The following LUZP2 variants were observed in gnomAD, a reference collection of about 807,000 sequenced individuals.
LUZP2 encodes the protein leucine zipper protein 2.
LUZP2 carries 52 observed loss-of-function variants against 51.6 expected under a neutral mutation model. The observed-to-expected ratio is 1.01, with a 90% CI of 0.81 to 1.27. The LOEUF is 1.27. Ranked by LOEUF, LUZP2 falls within the 50% of genes most tolerant of loss-of-function variation. LUZP2 has a pLI of 0.00. For missense variants in LUZP2, 436 were observed against 395.4 expected (o/e 1.10, Z -0.87); for synonymous variants, 154 against 137.3 (o/e 1.12, Z -0.85).
chr11:24,946,396 A>T (rs1242606973), intron 7 of LUZP2, among the ~76,000 whole-genome samples: 1 of 151,822 alleles, frequency 6.6e-6, no homozygotes, highest in African/African-American at 2.4e-5. Context: ...GATATGTCTC[A>T]TGACTATTTT....
chr11:24,589,494 T>C (rs1003302955), intron 1 of LUZP2, among the ~76,000 whole-genome samples: 1 of 152,216 alleles, frequency 6.6e-6, no homozygotes, highest in Non-Finnish European at 1.5e-5. Flanking sequence ...GTGCAAATTA[T>C]TTCTGATATC....
intron 7 of LUZP2, among the ~76,000 whole-genome samples, chr11:24,916,137 T>C (rs1853782489): frequency 6.6e-6 from 1 of 151,902 alleles, no homozygotes; most frequent in African/African-American, 2.4e-5. Flanking sequence ...TTATTAATGC[T>C]TGAGAGCTGC....
At chr11:24,703,523 G>A (rs1857476626) in intron 1 of LUZP2, among the ~76,000 whole-genome samples, 1 of 152,040 alleles carries the variant, frequency 6.6e-6, no homozygotes, top group African/African-American at 2.4e-5. Context: ...TTATGCTTGA[G>A]TAAAGAATGA....
chr11:24,650,350 A>T (rs1855589051), intron 1 of LUZP2, among the ~76,000 whole-genome samples: 1 of 151,882 alleles, frequency 6.6e-6, no homozygotes, highest in Admixed American at 6.6e-5. Flanking sequence ...TAAAGCATCA[A>T]ATTACATTTC....
At chr11:24,693,896 G>C (rs1857157742) in intron 1 of LUZP2, among the ~76,000 whole-genome samples, 1 of 151,866 alleles carries the variant, frequency 6.6e-6, no homozygotes, top group South Asian at 2.1e-4. Flanking sequence ...TCCAGAAAAA[G>C]GCAGTGTAGA....
chr11:24,728,718 C>G (rs1426674116), intron 1 of LUZP2, among the ~76,000 whole-genome samples: 1 of 151,976 alleles, frequency 6.6e-6, no homozygotes, highest in African/African-American at 2.4e-5. Flanking sequence ...TCCAAACCTT[C>G]TGATATTTAT....
At chr11:24,603,442 T>C (rs745320209) in intron 1 of LUZP2, among the ~76,000 whole-genome samples, 2 of 151,760 alleles carry the variant, frequency 1.3e-5, no homozygotes, top group African/African-American at 2.4e-5. Context: ...TATTTGAATA[T>C]CATCCAAGTG....
intron 1 of LUZP2, among the ~76,000 whole-genome samples, chr11:24,605,642 T>C (rs1417263234): frequency 6.6e-6 from 1 of 151,880 alleles, no homozygotes; most frequent in East Asian, 1.9e-4. Flanking sequence ...AATACAACTG[T>C]GTATATTCAA....
At chr11:24,693,774 A>G (rs920188760) in intron 1 of LUZP2, among the ~76,000 whole-genome samples, 1 of 152,050 alleles carries the variant, frequency 6.6e-6, no homozygotes, top group Non-Finnish European at 1.5e-5. Flanking sequence ...ATGGGAGTTG[A>G]TATATGAATA....
intron 1 of LUZP2, among the ~76,000 whole-genome samples, chr11:24,607,697 TC>T (rs146229198): frequency 2.8e-3 from 425 of 152,242 alleles, no homozygotes; most frequent in African/African-American, 9.9e-3. Context: ...CTGATAAGGA[TC>T]GCATTGGATC....
intron 9 of LUZP2, among the ~76,000 whole-genome samples, chr11:25,030,997 A>T (rs1347166573): frequency 7.7e-4 from 2 of 2,602 alleles, no homozygotes; most frequent in South Asian, 0.01. Context: ...AATATATATT[A>T]TATATATATA....
chr11:24,750,556 T>C (rs973075313), intron 4 of LUZP2, among the ~76,000 whole-genome samples: 1 of 152,214 alleles, frequency 6.6e-6, no homozygotes, highest in Non-Finnish European at 1.5e-5. Flanking sequence ...TGGTAACTTA[T>C]AATAATGTAT....
chr11:24,928,976 G>A lies in LUZP2; in HGVS notation c.522+14438G>A, dbSNP rs1854363132. 2.0e-5 allele frequency among the ~76,000 whole-genome samples: 3 copies of A among 151,932 alleles called. No homozygotes were observed. In the South Asian group the frequency reaches 6.2e-4, roughly 31 times the overall value. ...ATCTCAGAAGGTTGTATATTTCCAGGAATTTAAATATTTCCTCTAGGTTTT... is the reference window on the plus strand; with the variant it reads ...ATCTCAGAAGGTTGTATATTTCCAGAAATTTAAATATTTCCTCTAGGTTTT... On this transcript the variant is annotated intron_variant, in intron 7 of 11. Coordinates refer to ENST00000336930, the MANE Select transcript of LUZP2 (RefSeq NM_001009909.4).
chr11:24,708,218 C>T (rs1857674109), intron 1 of LUZP2, among the ~76,000 whole-genome samples: 1 of 152,106 alleles, frequency 6.6e-6, no homozygotes, highest in African/African-American at 2.4e-5. Context: ...AACTCATATC[C>T]AACAGGGTGA....
At position 24,603,475 on chromosome 11, in the gene LUZP2, A is replaced by T. The variant is rs537180440; in HGVS notation, c.62+106170A>T. 1.1e-4 allele frequency among the ~76,000 whole-genome samples: 16 copies of T among 151,968 alleles called. No homozygotes were observed. The East Asian group carries it at 3.1e-3, about 29-fold the overall frequency. On this transcript the variant is annotated intron_variant, in intron 1 of 11. Transcript: ENST00000336930. ...GTGAGAACCAGAAATTTGACACAGA[A>T]ATGACAACAGTAAATTCAGGAGAAA...
At chr11:24,893,739 T>C (rs1162338940) in intron 5 of LUZP2, among the ~76,000 whole-genome samples, 1 of 149,042 alleles carries the variant, frequency 6.7e-6, no homozygotes, top group East Asian at 2.0e-4. Flanking sequence ...TCCAATTTCA[T>C]GCTGACACAC....
At chr11:25,021,482 G>A (rs1319592523) in intron 9 of LUZP2, among the ~76,000 whole-genome samples, 1 of 151,464 alleles carries the variant, frequency 6.6e-6, no homozygotes, top group Non-Finnish European at 1.5e-5. Context: ...AGAGGGAGGA[G>A]AAGAGATAGA....
chr11:24,714,414 C>T (rs1055471469), intron 1 of LUZP2, among the ~76,000 whole-genome samples: 14 of 152,088 alleles, frequency 9.2e-5, no homozygotes, highest in Non-Finnish European at 1.8e-4. Flanking sequence ...ACAAAATACA[C>T]CTCCAGACAT....
intron 1 of LUZP2, among the ~76,000 whole-genome samples, chr11:24,615,234 A>G (rs1854247997): frequency 6.6e-6 from 1 of 151,856 alleles, no homozygotes; most frequent in South Asian, 2.1e-4. Context: ...TAACACTGAG[A>G]CCATCGAGAT....
Sources: allele counts gnomAD v4.1 joint callset (sites outside exome capture counted in the v4.1 genomes callset), GRCh38; gene constraint gnomAD v4.1.1; transcripts MANE v1.5; gene names NCBI Gene and HGNC (gene_info 2026-07-23, HGNC 2026-07-21).